Variants in XKR4 observed in about 807,000 individuals in gnomAD.
The protein encoded by XKR4 is XK related 4, also known as XK-related protein 4.
In XKR4, 12 loss-of-function variants were observed where a neutral mutation model predicts 53.9. The ratio of observed to expected loss-of-function variants is 0.22; its 90% CI spans 0.14 to 0.36. XKR4 has a LOEUF of 0.36. XKR4 is among the 10% of genes least tolerant of loss of function. The pLI is 1.00. For missense variants in XKR4, 799 were observed against 859.5 expected (o/e 0.93, Z 0.88); for synonymous variants, 354 against 362.4 (o/e 0.98, Z 0.26).
At chr8:55,451,583 G>A (rs1205700483) in intron 2 of XKR4, 6 of 1,278,398 alleles carry the variant, frequency 4.7e-6, no homozygotes, top group African/African-American at 4.4e-5. Flanking sequence ...TTGGACCGCC[G>A]GATGCGCCAG....
chr8:55,432,187 A>G (rs1805113902), intron 2 of XKR4, among the ~76,000 whole-genome samples: 1 of 152,104 alleles, frequency 6.6e-6, no homozygotes, highest in Non-Finnish European at 1.5e-5. Context: ...AGGGTTATTC[A>G]CTGTTGCAAT....
chr8:55,292,659 T>C (rs1405408565), intron 1 of XKR4, among the ~76,000 whole-genome samples: 1 of 152,138 alleles, frequency 6.6e-6, no homozygotes, highest in Non-Finnish European at 1.5e-5. Flanking sequence ...TCTTTATTAT[T>C]TCCTTCCTTC....
intron 2 of XKR4, among the ~76,000 whole-genome samples, chr8:55,442,908 A>G (rs1191257878): frequency 6.6e-6 from 1 of 152,210 alleles, no homozygotes; most frequent in African/African-American, 2.4e-5. Context: ...ACAACACTGA[A>G]TTGTACACTT....
At chr8:55,493,536 T>G (rs1030233938) in intron 2 of XKR4, among the ~76,000 whole-genome samples, 1 of 152,218 alleles carries the variant, frequency 6.6e-6, no homozygotes, top group Non-Finnish European at 1.5e-5. Flanking sequence ...AGTTTGCAGG[T>G]TTCCAGCCAC....
intron 1 of XKR4, among the ~76,000 whole-genome samples, chr8:55,118,033 A>C (rs1816334115): frequency 6.6e-6 from 1 of 152,128 alleles, no homozygotes; most frequent in South Asian, 2.1e-4. Context: ...TGGCACCTAA[A>C]CCGAGAATAT....
At chr8:55,511,438 G>A (rs979658149) in intron 2 of XKR4, among the ~76,000 whole-genome samples, 2 of 152,144 alleles carry the variant, frequency 1.3e-5, no homozygotes, top group South Asian at 2.1e-4. Flanking sequence ...TCTACCTTCT[G>A]CCTTCCCCCA....
intron 1 of XKR4, among the ~76,000 whole-genome samples, chr8:55,290,359 A>T (rs1050016278): frequency 3.9e-5 from 6 of 152,048 alleles, no homozygotes; most frequent in African/African-American, 1.4e-4. Context: ...CGAACTCCTG[A>T]GCTCAAGTGA....
chr8:55,191,042 C>T (rs1457274464), intron 1 of XKR4, among the ~76,000 whole-genome samples: 1 of 152,128 alleles, frequency 6.6e-6, no homozygotes, highest in African/African-American at 2.4e-5. Flanking sequence ...CCCATCTTTC[C>T]TAGGATTTGG....
chr8:55,114,518 C>A (rs1816279029), intron 1 of XKR4, among the ~76,000 whole-genome samples: 1 of 152,162 alleles, frequency 6.6e-6, no homozygotes, highest in Non-Finnish European at 1.5e-5. Flanking sequence ...GGCCAAAACA[C>A]ATCATCCCAA....
At chr8:55,284,171 A>G (rs927315713) in intron 1 of XKR4, among the ~76,000 whole-genome samples, 8 of 152,310 alleles carry the variant, frequency 5.3e-5, no homozygotes, top group South Asian at 2.1e-4. Flanking sequence ...CTTTGTAGGT[A>G]ATATCTTCTT....
intron 1 of XKR4, among the ~76,000 whole-genome samples, chr8:55,231,144 G>T (rs1032436718): frequency 2.0e-5 from 3 of 152,132 alleles, no homozygotes; most frequent in African/African-American, 7.2e-5. Context: ...ATTAAAGGTG[G>T]TATCTATATG....
intron 1 of XKR4, among the ~76,000 whole-genome samples, chr8:55,289,733 GAAAGAA>G (rs1248508691): frequency 7.2e-4 from 31 of 43,086 alleles, no homozygotes; most frequent in South Asian, 3.7e-3. Context: ...GAGAAAGAAA[GAAAGAA>G]AGAAAAAGAA....
At chr8:55,289,629 GAAAGAAAGA>G (rs1818960155) in intron 1 of XKR4, among the ~76,000 whole-genome samples, 1 of 115,362 alleles carries the variant, frequency 8.7e-6, no homozygotes, top group East Asian at 2.5e-4. Context: ...AAGAAAGAAA[GAAAGAAAGA>G]AAGAAAGAAA....
intron 1 of XKR4, among the ~76,000 whole-genome samples, chr8:55,112,142 A>C (rs1816240727): frequency 6.6e-6 from 1 of 152,232 alleles, no homozygotes; most frequent in Non-Finnish European, 1.5e-5. Context: ...ATCCGTTTTA[A>C]AATTATCTGA....
intron 2 of XKR4, among the ~76,000 whole-genome samples, chr8:55,519,358 A>G (rs1052439180): frequency 6.6e-6 from 1 of 152,204 alleles, no homozygotes. Context: ...CCACTGAAGG[A>G]ATCGTCATAT....
intron 1 of XKR4, chr8:55,142,034 C>A: frequency 2.2e-6 from 1 of 454,204 alleles, no homozygotes; most frequent in Non-Finnish European, 4.4e-6. Flanking sequence ...GAGGGCTGAA[C>A]TCAGAGCCCT....
Position 55,528,749 on chromosome 8 carries a change from C to A in XKR4, c.*4522C>A, listed in dbSNP as rs565112703. On this transcript the variant is annotated 3_prime_UTR_variant, in exon 3 of 3. Transcript: ENST00000327381. ...GATGCAGATCAACGTTCCTTTGTCT[C>A]GGCAATCCAATGTCATTTTTGAAAA... is the stretch of plus-strand genomic sequence containing the variant. 1.3e-5 allele frequency: 2 copies of A among 152,164 alleles called. No individual in the cohort carries two copies. Among genetic ancestry groups the A allele is most frequent in the South Asian group, 4.2e-4 (2 of 4,802 alleles). The allele number at this position is 152,164 out of a possible 1,614,324, so 9.4% of individuals were successfully genotyped here. A position where few individuals can be genotyped will look rare whatever the true frequency, so the allele number is the denominator to read the frequency against.
In XKR4 at chr8:55,385,534, C is replaced by T. The variant is rs377343317; in HGVS notation, c.1006+27657C>T. 1.3e-3 allele frequency among the ~76,000 whole-genome samples: 191 copies of T among 152,278 alleles called. 5 individuals are homozygous for T. The South Asian group carries it at 0.038, about 31-fold the overall frequency. On this transcript the variant is annotated intron_variant, in intron 2 of 2. Coordinates refer to ENST00000327381, the MANE Select transcript of XKR4 (RefSeq NM_052898.2). The stretch of plus-strand genomic sequence containing the variant: ...CTGTATCTATAGCTTCTACAGAGTA[C>T]CTAGCCCATAAGTATTCAATATCTA...
intron 2 of XKR4, among the ~76,000 whole-genome samples, chr8:55,417,384 C>T (rs1804866448): frequency 6.6e-6 from 1 of 152,230 alleles, no homozygotes; most frequent in African/African-American, 2.4e-5. Context: ...TCACACAAGT[C>T]TATTCAAAAG....
Sources: gnomAD v4.1 joint callset for allele counts (sites outside exome capture counted in the v4.1 genomes callset) on GRCh38, gnomAD v4.1.1 for gene constraint, MANE v1.5 for transcripts, NCBI Gene and HGNC (gene_info 2026-07-23, HGNC 2026-07-21) for gene names.